CNTNAP2: variants seen among roughly 807,000 people sequenced by gnomAD.
The protein encoded by CNTNAP2 is contactin-associated protein-like 2.
Under a neutral mutation model 155.2 loss-of-function variants are expected in CNTNAP2, and 98 were observed. The observed-to-expected ratio is 0.63, with a 90% CI of 0.54 to 0.75. The LOEUF (loss-of-function observed/expected upper bound fraction) is 0.75, where lower values mean the gene tolerates loss of function less well. CNTNAP2 is among the 30% of genes least tolerant of loss of function. The pLI is 0.00. For missense variants in CNTNAP2, 1,727 were observed against 1,688.1 expected, an observed-to-expected ratio of 1.02 and a Z score of -0.40; for synonymous variants, 651 against 631.2, an observed-to-expected ratio of 1.03 and a Z score of -0.47.
chr7:148,064,944 CTT>C (rs527966910), intron 15 of CNTNAP2, among the ~76,000 whole-genome samples: 74 of 152,246 alleles, frequency 4.9e-4, no homozygotes, highest in Admixed American at 9.8e-4. Context: ...GAACTTTCCT[CTT>C]AGCACCAACT....
At chr7:146,856,927 T>C (rs1268429961) in intron 3 of CNTNAP2, among the ~76,000 whole-genome samples, 3 of 152,120 alleles carry the variant, frequency 2.0e-5, no homozygotes, top group East Asian at 3.9e-4. Flanking sequence ...AGGGACATGA[T>C]ACCTACCTGT....
chr7:146,906,190 G>A (rs1335732708), intron 3 of CNTNAP2, among the ~76,000 whole-genome samples: 1 of 152,000 alleles, frequency 6.6e-6, no homozygotes, highest in Admixed American at 6.6e-5. Context: ...ACAGCAGTCT[G>A]AGATCAAACT....
At chr7:146,629,128 T>C (rs1322697834) in intron 1 of CNTNAP2, among the ~76,000 whole-genome samples, 1 of 152,152 alleles carries the variant, frequency 6.6e-6, no homozygotes, top group Non-Finnish European at 1.5e-5. Flanking sequence ...ATGTTCTTCC[T>C]AAAAAATAAC....
chr7:146,370,228 C>T (rs1239829777), intron 1 of CNTNAP2, among the ~76,000 whole-genome samples: 2 of 139,036 alleles, frequency 1.4e-5, no homozygotes, highest in African/African-American at 5.6e-5. Context: ...TCAAGACAAG[C>T]CTGGCCAATA....
chr7:146,533,876 A>G (rs1041635964), intron 1 of CNTNAP2, among the ~76,000 whole-genome samples: 2 of 152,098 alleles, frequency 1.3e-5, no homozygotes, highest in Admixed American at 6.6e-5. Context: ...CTTAACAATT[A>G]TTTATTAATT....
Position 146,816,695 on chromosome 7 carries a change from CAT to C in CNTNAP2, c.209-23015_209-23014del, listed in dbSNP as rs140151682. On this transcript the variant is annotated intron_variant, in intron 2 of 23. Coordinates refer to ENST00000361727, the MANE Select transcript of CNTNAP2 (RefSeq NM_014141.6). ...AGTAGGATAGACTGCTTGCTATACA[CAT>C]GTTAGAAGCTTTGTAGTTGCTAACT... is the stretch of plus-strand genomic sequence containing the variant. Among the ~76,000 whole-genome samples the C allele has an allele frequency of 2.1e-3, 314 of 152,282 alleles. 2 individuals are homozygous for C. The highest frequency in any genetic ancestry group is 5.7e-3 in the African/African-American group (236 of 41,554).
intron 13 of CNTNAP2, among the ~76,000 whole-genome samples, chr7:147,901,497 G>T (rs1009013893): frequency 7.9e-5 from 12 of 152,108 alleles, no homozygotes; most frequent in Admixed American, 7.9e-4. Context: ...ATCTACTACT[G>T]CTCCTCTCAG....
At chr7:146,730,746 T>A (rs1801511221) in intron 1 of CNTNAP2, among the ~76,000 whole-genome samples, 1 of 152,220 alleles carries the variant, frequency 6.6e-6, no homozygotes, top group Admixed American at 6.5e-5. Flanking sequence ...TTTCATTGAC[T>A]TAGTGAGTTT....
rs530078162 is a variant in CNTNAP2, at chr7:146,509,749, C to T, written c.98-264522C>T. The stretch of plus-strand genomic sequence containing the variant: ...TCTGCTTGTGCCTGGAGGTCCCTTA[C>T]CTGTGCTGCATCCTGCAGGGACTGA... On this transcript the variant is annotated intron_variant, in intron 1 of 23. Coordinates refer to ENST00000361727, the MANE Select transcript of CNTNAP2 (RefSeq NM_014141.6). Among the ~76,000 whole-genome samples the T allele has an allele frequency of 2.0e-5, 3 of 152,246 alleles. No individual in the cohort carries two copies. The East Asian group carries it at 5.8e-4, about 30-fold the overall frequency.
At position 147,120,380 on chromosome 7, in the gene CNTNAP2, G is replaced by C. The variant is rs565454763; in HGVS notation, c.755-599G>C. On this transcript the variant is annotated intron_variant, in intron 5 of 23. Transcript: ENST00000361727. ...AATGGAGACCAAGCATTCTCAACTT[G>C]TCCTGGAACCCAAGCTAAAAGTGGA... 1.2e-4 allele frequency among the ~76,000 whole-genome samples: 18 copies of C among 152,100 alleles called. No individual in the cohort carries two copies. In the South Asian group the frequency reaches 2.3e-3, roughly 19 times the overall value.
chr7:147,099,707 T>C (rs1158196544), intron 4 of CNTNAP2, among the ~76,000 whole-genome samples: 1 of 152,146 alleles, frequency 6.6e-6, no homozygotes, highest in African/African-American at 2.4e-5. Flanking sequence ...CCGAAATAAA[T>C]GTTGGGAATA....
chr7:146,227,445 A>G (rs992537257), intron 1 of CNTNAP2, among the ~76,000 whole-genome samples: 13 of 151,410 alleles, frequency 8.6e-5, no homozygotes, highest in Admixed American at 2.0e-4. Context: ...AAAAAAAAAA[A>G]AAAAGAAAAA....
At chr7:147,848,353 C>T (rs1262548525) in intron 13 of CNTNAP2, among the ~76,000 whole-genome samples, 1 of 150,306 alleles carries the variant, frequency 6.7e-6, no homozygotes, top group African/African-American at 2.4e-5. Flanking sequence ...GGGAGTGACC[C>T]GATTTTCCAG....
At chr7:146,752,443 C>T (rs1447096624) in intron 1 of CNTNAP2, among the ~76,000 whole-genome samples, 2 of 152,142 alleles carry the variant, frequency 1.3e-5, no homozygotes, top group Non-Finnish European at 2.9e-5. Context: ...AGTCTCTGTT[C>T]ATATCCTTTG....
intron 15 of CNTNAP2, among the ~76,000 whole-genome samples, chr7:147,995,448 C>T (rs1259097911): frequency 6.6e-6 from 1 of 152,042 alleles, no homozygotes. Flanking sequence ...GATCTTCAAC[C>T]TCACACCACC....
At chr7:147,899,840 G>A (rs2110307) in intron 13 of CNTNAP2, among the ~76,000 whole-genome samples, 12,161 of 151,372 alleles carry the variant, frequency 0.08, 592 homozygotes, top group East Asian at 0.17. Flanking sequence ...AGCCGAGATC[G>A]TGCCACTGCA....
intron 21 of CNTNAP2, among the ~76,000 whole-genome samples, chr7:148,289,599 A>G (rs1398341433): frequency 8.1e-6 from 1 of 123,064 alleles, no homozygotes; most frequent in Non-Finnish European, 1.7e-5. Flanking sequence ...ACACACACAC[A>G]CACCCCATGT....
chr7:146,657,267 C>T (rs1164616911), intron 1 of CNTNAP2, among the ~76,000 whole-genome samples: 1 of 152,098 alleles, frequency 6.6e-6, no homozygotes, highest in Non-Finnish European at 1.5e-5. Context: ...ACTTGGTATT[C>T]CAACCTACCT....
intron 21 of CNTNAP2, among the ~76,000 whole-genome samples, chr7:148,314,587 G>A (rs1797653960): frequency 3.9e-5 from 6 of 152,148 alleles, no homozygotes; most frequent in Admixed American, 3.9e-4. Flanking sequence ...GAGACATGGA[G>A]AGAAGGGGTC....
Sources: allele counts gnomAD v4.1 joint callset (sites outside exome capture counted in the v4.1 genomes callset), GRCh38; gene constraint gnomAD v4.1.1; transcripts MANE v1.5; gene names NCBI Gene and HGNC (gene_info 2026-07-23, HGNC 2026-07-21).